Variants in PABPC4L observed in about 807,000 individuals in gnomAD.
PABPC4L encodes the protein poly(A) binding protein cytoplasmic 4 like, also known as polyadenylate-binding protein 4-like.
For missense variants in PABPC4L, 452 were observed against 451.4 expected, an observed-to-expected ratio of 1.00 and a Z score of -0.01; for synonymous variants, 169 against 164.1, an observed-to-expected ratio of 1.03 and a Z score of -0.23.
chr4:134,077,500 C>T, the PABPC4L span, among the ~76,000 whole-genome samples: 3 of 152,090 alleles, frequency 2.0e-5, no homozygotes, highest in Admixed American at 1.3e-4. Context: ...AATGACTGAC[C>T]TTGTTATGTG....
chr4:134,119,602 A>T, the PABPC4L span, among the ~76,000 whole-genome samples: 109 of 151,766 alleles, frequency 7.2e-4, no homozygotes, highest in Middle Eastern at 3.4e-3. Flanking sequence ...TAAAGAAGAA[A>T]AGTACACAAA....
the PABPC4L span, among the ~76,000 whole-genome samples, chr4:134,046,577 G>A: frequency 6.6e-6 from 1 of 152,060 alleles, no homozygotes; most frequent in South Asian, 2.1e-4. Context: ...CGGGTATGGG[G>A]CTGGGGGATG....
the PABPC4L span, among the ~76,000 whole-genome samples, chr4:133,954,278 C>T: frequency 1.3e-5 from 2 of 152,148 alleles, no homozygotes; most frequent in Non-Finnish European, 2.9e-5. Flanking sequence ...TGGGTGAGCG[C>T]TCTTTACTAC....
At chr4:134,147,898 A>G in the PABPC4L span, among the ~76,000 whole-genome samples, 2 of 152,098 alleles carry the variant, frequency 1.3e-5, no homozygotes, top group Non-Finnish European at 2.9e-5. Flanking sequence ...ATGCATTACA[A>G]TCGGCTATCA....
the PABPC4L span, among the ~76,000 whole-genome samples, chr4:134,123,427 C>T: frequency 2.0e-5 from 3 of 152,116 alleles, no homozygotes; most frequent in African/African-American, 4.8e-5. Context: ...CAGGGCATCA[C>T]CTTATTTAAC....
At chr4:134,141,386 T>C in the PABPC4L span, among the ~76,000 whole-genome samples, 3 of 151,070 alleles carry the variant, frequency 2.0e-5, no homozygotes, top group African/African-American at 7.3e-5. Context: ...AAAAAAAAAG[T>C]ATGCTTCCTT....
At chr4:134,168,718 T>TA in the PABPC4L span, among the ~76,000 whole-genome samples, 2 of 151,706 alleles carry the variant, frequency 1.3e-5, no homozygotes, top group Non-Finnish European at 2.9e-5. Context: ...GATTGAACCA[T>TA]AAAAAAATCA....
the PABPC4L span, among the ~76,000 whole-genome samples, chr4:134,010,309 G>A: frequency 3.6e-3 from 552 of 152,022 alleles, 2 homozygotes; most frequent in African/African-American, 0.013. Context: ...AAGAAACAAA[G>A]CTCATGTAAA....
the PABPC4L span, among the ~76,000 whole-genome samples, chr4:134,034,966 A>T: frequency 6.6e-6 from 1 of 151,686 alleles, no homozygotes; most frequent in Non-Finnish European, 1.5e-5. Context: ...CACATATGAC[A>T]GAGAAATATT....
At position 134,201,241 on chromosome 4, in the gene PABPC4L, C is replaced by A. The variant is rs1729871362; in HGVS notation, c.-222G>T. 2.0e-6 allele frequency: 3 copies of A among 1,529,744 alleles called. No homozygotes were observed. The East Asian group carries it at 7.6e-5, about 39-fold the overall frequency. The allele number at this position is 1,529,744 out of a possible 1,614,324, so 94.8% of individuals were successfully genotyped here. On this transcript the variant is annotated 5_prime_UTR_variant, in exon 2 of 2. Transcript: ENST00000421491. ...ATCTGGCCCTCCTAGGACGCGGCAA[C>A]AGAACTGTGAAATCGCAAAGAGAGA...
chr4:134,106,675 C>T, the PABPC4L span, among the ~76,000 whole-genome samples: 2 of 151,204 alleles, frequency 1.3e-5, no homozygotes, highest in South Asian at 2.1e-4. Context: ...AGGAACTTAG[C>T]GAAGACTAAG....
chr4:134,185,436 C>A, the PABPC4L span, among the ~76,000 whole-genome samples: 1 of 152,038 alleles, frequency 6.6e-6, no homozygotes, highest in African/African-American at 2.4e-5. Flanking sequence ...AAGACAAAAA[C>A]CACATGATTA....
the PABPC4L span, among the ~76,000 whole-genome samples, chr4:134,154,213 C>T: frequency 6.6e-6 from 1 of 152,080 alleles, no homozygotes; most frequent in East Asian, 1.9e-4. Context: ...TCAATCTTAC[C>T]TATATCCATA....
At chr4:133,999,635 G>A in the PABPC4L span, among the ~76,000 whole-genome samples, 2 of 151,950 alleles carry the variant, frequency 1.3e-5, no homozygotes, top group East Asian at 3.9e-4. Flanking sequence ...CTAATTTAGT[G>A]ACATCCCTAT....
chr4:133,979,945 T>G, the PABPC4L span, among the ~76,000 whole-genome samples: 1 of 152,184 alleles, frequency 6.6e-6, no homozygotes, highest in Non-Finnish European at 1.5e-5. Context: ...AAGTGTTATA[T>G]GTATTTCTAT....
At chr4:134,089,747 C>A in the PABPC4L span, among the ~76,000 whole-genome samples, 6 of 151,858 alleles carry the variant, frequency 4.0e-5, no homozygotes, top group Non-Finnish European at 8.8e-5. Flanking sequence ...GGAAGGTTGA[C>A]TTTTCTTTAT....
the PABPC4L span, among the ~76,000 whole-genome samples, chr4:134,028,944 T>C: frequency 6.6e-6 from 1 of 152,108 alleles, no homozygotes; most frequent in Admixed American, 6.6e-5. Context: ...TGTTGAAACA[T>C]AGTGTGTATT....
At chr4:133,975,788 C>T in the PABPC4L span, among the ~76,000 whole-genome samples, 1 of 152,088 alleles carries the variant, frequency 6.6e-6, no homozygotes, top group African/African-American at 2.4e-5. Flanking sequence ...TCATACCTAA[C>T]TCCATAACTG....
At chr4:134,144,252 A>G in the PABPC4L span, among the ~76,000 whole-genome samples, 100,798 of 151,244 alleles carry the variant, frequency 0.67, 34,464 homozygotes, top group East Asian at 1. Flanking sequence ...AAAGAAGTTC[A>G]ACTGAACAAT....
Sources: allele counts gnomAD v4.1 joint callset (sites outside exome capture counted in the v4.1 genomes callset), GRCh38; gene constraint gnomAD v4.1.1; transcripts MANE v1.5; gene names NCBI Gene and HGNC (gene_info 2026-07-23, HGNC 2026-07-21).